SUPT3H: variants seen among roughly 807,000 people sequenced by gnomAD.
The protein encoded by SUPT3H is SPT3 homolog, SAGA and STAGA complex component, also known as transcription initiation protein SPT3 homolog.
A neutral mutation model predicts 44.3 loss-of-function variants in SUPT3H; 44 were observed. That is an observed-to-expected ratio of 0.99 (90% CI 0.78 to 1.28). The LOEUF (loss-of-function observed/expected upper bound fraction) is 1.28. Among genes scored for constraint, SUPT3H ranks in the 50% most tolerant of loss-of-function variants. The pLI is 0.00. For synonymous variants in SUPT3H, 124 were observed against 125.6 expected, an observed-to-expected ratio of 0.99 and a Z score of 0.09; for missense variants, 380 against 387.1, an observed-to-expected ratio of 0.98 and a Z score of 0.15.
intron 3 of SUPT3H, among the ~76,000 whole-genome samples, chr6:45,025,521 T>C (rs1785832550): frequency 6.6e-6 from 1 of 152,318 alleles, no homozygotes; most frequent in East Asian, 1.9e-4. Context: ...CGATGGCCTT[T>C]TGCATTTGGC....
chr6:45,241,039 G>A (rs1770209203), intron 2 of SUPT3H, among the ~76,000 whole-genome samples: 1 of 152,140 alleles, frequency 6.6e-6, no homozygotes, highest in South Asian at 2.1e-4. Flanking sequence ...AAAAACACTT[G>A]GAAGCTGGGT....
intron 1 of SUPT3H, among the ~76,000 whole-genome samples, chr6:45,369,956 T>C (rs1019924133): frequency 3.3e-5 from 5 of 152,082 alleles, no homozygotes; most frequent in African/African-American, 1.2e-4. Context: ...TAGAAAGATA[T>C]GAACACAGGG....
At chr6:45,084,185 T>G (rs1426923331) in intron 3 of SUPT3H, among the ~76,000 whole-genome samples, 8 of 152,054 alleles carry the variant, frequency 5.3e-5, no homozygotes, top group Non-Finnish European at 1.2e-4. Flanking sequence ...CAAAAGAAAC[T>G]ATTGACAGAG....
chr6:45,226,470 A>G (rs1319461103), intron 2 of SUPT3H, among the ~76,000 whole-genome samples: 4 of 152,122 alleles, frequency 2.6e-5, no homozygotes, highest in Admixed American at 2.6e-4. Context: ...TGGGAGGCCG[A>G]GGTGGGAGGA....
At chr6:45,011,464 G>T (rs545025138) in intron 5 of SUPT3H, among the ~76,000 whole-genome samples, 2 of 151,916 alleles carry the variant, frequency 1.3e-5, no homozygotes, top group African/African-American at 4.8e-5. Flanking sequence ...CATTTTATTT[G>T]CCACTTCTGG....
At chr6:44,908,900 T>C (rs1014639076) in intron 10 of SUPT3H, among the ~76,000 whole-genome samples, 5 of 152,128 alleles carry the variant, frequency 3.3e-5, no homozygotes, top group African/African-American at 4.8e-5. Context: ...TAGTGGAAAA[T>C]TGGTTTAGAA....
intron 2 of SUPT3H, among the ~76,000 whole-genome samples, chr6:45,282,202 C>G (rs1449383424): frequency 5.9e-5 from 9 of 152,192 alleles, no homozygotes; most frequent in African/African-American, 2.2e-4. Context: ...TAAAGGAACG[C>G]AGCTCCTCAC....
In SUPT3H at chr6:45,021,993, A is replaced by G. The variant is rs1422304376; in HGVS notation, c.187-1361T>C. The stretch of plus-strand genomic sequence containing the variant: ...TACTCAGAAACTGTTTTCAGCAGGC[A>G]TGAACATATTTTTTCTAAAAATTGG... On this transcript the variant is annotated intron_variant, in intron 3 of 10. Transcript: ENST00000371459. Among the ~76,000 whole-genome samples the G allele has an allele frequency of 7.2e-5, 11 of 152,170 alleles. No individual in the cohort carries two copies. In the South Asian group the frequency reaches 1.4e-3, roughly 20 times the overall value.
Position 45,328,385 on chromosome 6 carries a change from G to A in SUPT3H, c.101+36816C>T, listed in dbSNP as rs759132634. On this transcript the variant is annotated intron_variant, in intron 2 of 10. Transcript: ENST00000371459. ...AGTGCGGTGCAAACTTTCTCCAGGA[G>A]GACAGCAAGAAGTCTCTGGTTTTTA... 2.9e-6 allele frequency: 4 copies of A among 1,396,688 alleles called. No homozygotes were observed. In the South Asian group the frequency reaches 3.4e-5, roughly 12 times the overall value. 86.5% of individuals were successfully genotyped at this position (1,396,688 alleles called of 1,614,324 possible).
intron 2 of SUPT3H, among the ~76,000 whole-genome samples, chr6:45,147,484 G>A (rs1004165971): frequency 6.6e-6 from 1 of 152,024 alleles, no homozygotes; most frequent in Admixed American, 6.6e-5. Context: ...AAAGAACTTA[G>A]ACTTCAGCGA....
At chr6:45,130,435 C>G (rs1366296626) in intron 2 of SUPT3H, among the ~76,000 whole-genome samples, 1 of 151,816 alleles carries the variant, frequency 6.6e-6, no homozygotes, top group Non-Finnish European at 1.5e-5. Context: ...GCTGATGGAC[C>G]TTTGGATTGT....
intron 9 of SUPT3H, among the ~76,000 whole-genome samples, chr6:44,946,071 A>G (rs1307722062): frequency 6.6e-6 from 1 of 152,180 alleles, no homozygotes; most frequent in East Asian, 1.9e-4. Flanking sequence ...CTTATGCTCT[A>G]TAAGTGGAAC....
chr6:45,327,154 G>A (rs562293894), intron 2 of SUPT3H, among the ~76,000 whole-genome samples: 1 of 152,040 alleles, frequency 6.6e-6, no homozygotes, highest in East Asian at 1.9e-4. Context: ...TCCCAAAGAT[G>A]TTTCCAATTT....
At chr6:44,835,864 T>C (rs937272322) in intron 10 of SUPT3H, among the ~76,000 whole-genome samples, 2 of 152,112 alleles carry the variant, frequency 1.3e-5, no homozygotes, top group Non-Finnish European at 2.9e-5. Flanking sequence ...TTGTTTCAAA[T>C]TCAACTGCTC....
intron 2 of SUPT3H, among the ~76,000 whole-genome samples, chr6:45,301,868 A>T (rs181009945): frequency 6.6e-6 from 1 of 152,280 alleles, no homozygotes; most frequent in East Asian, 1.9e-4. Context: ...TCCTTTAGCA[A>T]GTGGATTTGA....
intron 2 of SUPT3H, among the ~76,000 whole-genome samples, chr6:45,167,872 C>T (rs1810150888): frequency 6.6e-6 from 1 of 151,446 alleles, no homozygotes; most frequent in South Asian, 2.1e-4. Flanking sequence ...AGTGTAATGG[C>T]TCTATCTTGG....
At chr6:45,167,370 T>C (rs1810059720) in intron 2 of SUPT3H, among the ~76,000 whole-genome samples, 1 of 152,208 alleles carries the variant, frequency 6.6e-6, no homozygotes, top group African/African-American at 2.4e-5. Flanking sequence ...TGAATGGGCT[T>C]ACTAAATGAT....
intron 3 of SUPT3H, among the ~76,000 whole-genome samples, chr6:45,052,521 G>A (rs1285150466): frequency 2.0e-5 from 3 of 152,136 alleles, no homozygotes; most frequent in Admixed American, 1.3e-4. Flanking sequence ...GTAGCATTTT[G>A]TATTGACTGC....
chr6:44,851,838 A>T (rs2153421755), intron 10 of SUPT3H, among the ~76,000 whole-genome samples: 1 of 152,302 alleles, frequency 6.6e-6, no homozygotes, highest in South Asian at 2.1e-4. Context: ...TGAGCCCCTG[A>T]TCAAGATTAT....
Sources: gnomAD v4.1 joint callset for allele counts (sites outside exome capture counted in the v4.1 genomes callset) on GRCh38, gnomAD v4.1.1 for gene constraint, MANE v1.5 for transcripts, NCBI Gene and HGNC (gene_info 2026-07-23, HGNC 2026-07-21) for gene names.